The following C1orf35 variants were observed in gnomAD, a reference collection of about 807,000 sequenced individuals.
C1orf35 encodes chromosome 1 open reading frame 35.
Under a neutral mutation model 30.9 loss-of-function variants are expected in C1orf35, and 36 were observed. The ratio of observed to expected loss-of-function variants is 1.16; its 90% confidence interval spans 0.89 to 1.54. The LOEUF (loss-of-function observed/expected upper bound fraction) is 1.54, where lower values mean the gene tolerates loss of function less well. Ranked by LOEUF, C1orf35 falls within the 40% of genes most tolerant of loss-of-function variation. The pLI is 0.00. For missense variants in C1orf35, 396 were observed against 358.7 expected (o/e 1.10, Z -0.84); for synonymous variants, 179 against 148.2 (o/e 1.21, Z -1.51).
chr1:228,102,431 C>A (rs1042253104), intron 4 of C1orf35, 47 bp downstream of exon 4: 2 of 1,581,026 alleles, frequency 1.3e-6, no homozygotes, highest in East Asian at 2.3e-5. Context: ...CCGCCTCACC[C>A]GAGCAATCGA....
At chr1:228,102,245 T>C in intron 5 of C1orf35, 65 bp downstream of exon 5, 1 of 1,569,548 alleles carries the variant, frequency 6.4e-7, no homozygotes, top group Non-Finnish European at 8.6e-7. Flanking sequence ...GGAGCTCCGT[T>C]CAGTGCCCCC....
rs370819690 is a variant in C1orf35 at position 228,101,395 on chromosome 1, TTTC to T, written c.609_611del (p.Lys204del). On this transcript the variant is annotated inframe_deletion, in exon 7 of 8. Coordinates refer to ENST00000272139, the MANE Select transcript of C1orf35 (RefSeq NM_024319.4). ...CAGCTGGCCGCCTGTGCTCTTTGTC[TTTC>T]TTCTTCTTCTCTTTCTTGTGTTTCC... is the stretch of plus-strand genomic sequence containing the variant. The T allele has an allele frequency of 6.9e-4, 1,113 of 1,614,004 alleles. 13 individuals carry two copies. In the South Asian group the frequency reaches 0.011, roughly 16 times the overall value.
Position 228,101,443 on chromosome 1 carries a change from C to G in C1orf35, c.564G>C (p.Glu188Asp), listed in dbSNP as rs1030173311. ...GTTTCCTCTTTTTCTTTTTCTTCTTCTCCTTCTTGCTTTTCCTGTGGCTCT... is the reference window on the plus strand; with the variant it reads ...GTTTCCTCTTTTTCTTTTTCTTCTTGTCCTTCTTGCTTTTCCTGTGGCTCT... ...SCESHRKSKK[E>D]KKKKKKRKHK... The change falls in exon 7 of 8, where the codon GAG becomes GAC. Residue 188 changes from glutamate (E) to aspartate (D), a missense_variant. Physicochemically the swap from Glu to Asp is conservative, Grantham distance 45 (BLOSUM62 2). Transcript: ENST00000272139. 6.2e-7 allele frequency: 1 copy of G among 1,612,888 alleles called. No homozygotes were observed. Among genetic ancestry groups the G allele is most frequent in the East Asian group, 2.2e-5 (1 of 44,874 alleles).
At chr1:228,102,429 C>T (rs1209043537) in intron 4 of C1orf35, 47 bp from the exon 5 acceptor site, 2 of 1,584,244 alleles carry the variant, frequency 1.3e-6, no homozygotes, top group Non-Finnish European at 1.7e-6. Flanking sequence ...GTCCGCCTCA[C>T]CCGAGCAATC....
At chr1:228,102,857 C>T in intron 2 of C1orf35, 42 bp downstream of exon 2, 2 of 1,378,846 alleles carry the variant, frequency 1.5e-6, no homozygotes. Flanking sequence ...GCCCCGGCAG[C>T]GCCGTCCCAG....
At position 228,100,998 on chromosome 1, in the gene C1orf35, G is replaced by A; in HGVS notation, c.*133C>T. ...AGCTGTCAAGTCTTTAGCCCCACAG[G>A]CTGGTGCCCAGAGCCACTTCCACAG... On this transcript the variant is annotated 3_prime_UTR_variant, in exon 8 of 8. Transcript: ENST00000272139. The A allele has an allele frequency of 7.5e-7, 1 of 1,337,408 alleles. No homozygotes were observed. Among genetic ancestry groups the A allele is most frequent in the Non-Finnish European group, 1.0e-6 (1 of 974,606 alleles). 82.8% of individuals were successfully genotyped at this position (1,337,408 alleles called of 1,614,324 possible).
intron 6 of C1orf35, chr1:228,101,857 GCGC>G (rs2032973965): frequency 1.4e-6 from 2 of 1,417,268 alleles, no homozygotes; most frequent in Non-Finnish European, 1.8e-6. Flanking sequence ...CCACGGCACA[GCGC>G]CCGACCACTG....
At chr1:228,101,775 A>C in intron 6 of C1orf35, 1 of 1,405,828 alleles carries the variant, frequency 7.1e-7, no homozygotes, top group Non-Finnish European at 9.2e-7. Context: ...GCCCAGGCTC[A>C]CCATCCAGGA....
chr1:228,103,046 T>C lies in C1orf35; in HGVS notation c.98A>G (p.Asn33Ser), dbSNP rs2033018654. 1.3e-6 allele frequency: 2 copies of C among 1,598,296 alleles called. No individual in the cohort carries two copies. Among genetic ancestry groups the C allele is most frequent in the Non-Finnish European group, 1.7e-6 (2 of 1,173,790 alleles). The change falls in exon 2 of 8, where the codon AAC becomes AGC. Residue 33 changes from asparagine to serine, a missense_variant. Coordinates refer to ENST00000272139, the MANE Select transcript of C1orf35 (RefSeq NM_024319.4). ...GCGGCCTACCGGCGCCATCAGCGAG[T>C]TGCCTGCGGACGTAGACGCTGTGAG... ...TDKQRENYLG[N>S]SLMAPVGRWQ... is the part of the protein sequence containing the mutation.
At chr1:228,101,672 C>T (rs763835207) in intron 6 of C1orf35, 199 bp from the exon 7 acceptor site, 1 of 1,443,516 alleles carries the variant, frequency 6.9e-7, no homozygotes, top group Non-Finnish European at 9.1e-7. Context: ...GCAATATCCC[C>T]ATCTCCACAG....
At position 228,101,183 on chromosome 1, in the gene C1orf35, CCACT is replaced by C. The variant is rs767425171; in HGVS notation, c.736_739del (p.Ser246GlyfsTer30). The stretch of plus-strand genomic sequence containing the variant: ...CCTGCGAGACGGGCTCCTCCTGTCC[CCACT>C]GTGTCCCCGCTTCCTCCTCTTACAG... On this transcript the variant is annotated frameshift_variant, in exon 8 of 8. Coordinates refer to ENST00000272139, the MANE Select transcript of C1orf35 (RefSeq NM_024319.4). LOFTEE classifies it low-confidence loss of function (END_TRUNC). 5 of 1,614,156 alleles carry C rather than the reference CCACT, an allele frequency of 3.1e-6. No individual in the cohort carries two copies. Among genetic ancestry groups the C allele is most frequent in the South Asian group, 1.1e-5 (1 of 91,084 alleles).
At position 228,103,177 on chromosome 1, in the gene C1orf35, G is replaced by C; in HGVS notation, c.51C>G (p.Asn17Lys). 3 of 1,612,078 alleles carry C rather than the reference G, an allele frequency of 1.9e-6. No homozygotes were observed. Among genetic ancestry groups the C allele is most frequent in the Non-Finnish European group, 2.5e-6 (3 of 1,179,546 alleles). ...GCTTGTCAGTCTTCACGTCCTCCCA[G>C]TTGAACTGGTCCTGCCCGCCGCGCA... ...GGVRGGQDQF[N>K]WEDVKTDKQR... The change falls in exon 1 of 8, where the codon AAC becomes AAG. Residue 17 changes from asparagine to lysine, a missense_variant. Coordinates refer to ENST00000272139, the MANE Select transcript of C1orf35 (RefSeq NM_024319.4).
intron 5 of C1orf35, 59 bp downstream of exon 5, chr1:228,102,250 GC>G: frequency 1.9e-6 from 3 of 1,577,876 alleles, no homozygotes. Flanking sequence ...TCCGTTCAGT[GC>G]CCCCGCCCCG....
In C1orf35 at chr1:228,102,657, C is replaced by T. The variant is rs1268353185; in HGVS notation, c.277G>A (p.Gly93Ser). Residue 93 changes from glycine (G) to serine (S), a missense_variant, in exon 3 of 8, where the codon GGC (glycine) becomes AGC (serine). Transcript: ENST00000272139. ...GYKNVKKQPTGLSKEDFAEVC... is the reference protein window; with the variant it reads ...GYKNVKKQPTSLSKEDFAEVC... Reference sequence around the variant, plus strand: ...CGGGGAGTTACCTCCTTGCTCAGGCCCGTGGGCTGCTTCTTCACGTTCTTG... The same window carrying T: ...CGGGGAGTTACCTCCTTGCTCAGGCTCGTGGGCTGCTTCTTCACGTTCTTG... 1.2e-6 allele frequency: 2 copies of T among 1,607,932 alleles called. No individual in the cohort carries two copies. The highest frequency in any genetic ancestry group is 1.7e-6 in the Non-Finnish European group (2 of 1,178,420).
Position 228,103,217 on chromosome 1 carries a change from G to A in C1orf35, c.11C>T (p.Ser4Phe). The stretch of plus-strand genomic sequence containing the variant: ...CCCGCCGCGCACGCCTCCACGACTG[G>A]AGCCGAACATGGCGCCGGGAAGGCA... MFG[S>F]SRGGVRGGQD... The change falls in exon 1 of 8, where the codon TCC (serine) becomes TTC (phenylalanine). Residue 4 changes from serine (S) to phenylalanine (F), a missense_variant. Physicochemically the swap from Ser to Phe is radical, Grantham distance 155. Transcript: ENST00000272139. 6.2e-7 allele frequency: 1 copy of A among 1,610,050 alleles called. No individual in the cohort carries two copies. Among genetic ancestry groups the A allele is most frequent in the South Asian group, 1.1e-5 (1 of 90,554 alleles).
intron 5 of C1orf35, 23 bp downstream of exon 5, chr1:228,102,287 G>A: frequency 6.2e-7 from 1 of 1,608,530 alleles, no homozygotes; most frequent in Non-Finnish European, 8.5e-7. Context: ...CCCCTGCTGC[G>A]GTCAGGCGGG....
At chr1:228,102,865 C>T in intron 2 of C1orf35, 34 bp downstream of exon 2, 1 of 1,385,208 alleles carries the variant, frequency 7.2e-7, no homozygotes, top group Non-Finnish European at 9.3e-7. Flanking sequence ...AGCGCCGTCC[C>T]AGGCACCGAC....
At position 228,101,349 on chromosome 1, in the gene C1orf35, A is replaced by G. The variant is rs748613886; in HGVS notation, c.658T>C (p.Ser220Pro). The G allele has an allele frequency of 1.2e-6, 2 of 1,613,982 alleles. No homozygotes were observed. Among genetic ancestry groups the G allele is most frequent in the Non-Finnish European group, 1.7e-6 (2 of 1,179,994 alleles). Residue 220 changes from serine to proline, a missense_variant, in exon 7 of 8, where the codon TCT (serine) becomes CCT (proline). Coordinates refer to ENST00000272139, the MANE Select transcript of C1orf35 (RefSeq NM_024319.4). ...RPAEATSSPT[S>P]PERPRHHHHD... The stretch of plus-strand genomic sequence containing the variant: ...TGGACCAGGGCATACCTCTCAGGAG[A>G]TGTGGGAGAGGAGGTGGCCTCAGCT...
rs1265569019 is a variant in C1orf35 at position 228,102,507 on chromosome 1, C to T, written c.345G>A (p.Val115=). Residue 115 remains valine, a synonymous_variant, in exon 4 of 8, where the codon GTG becomes GTA. Transcript: ENST00000272139. The part of the protein sequence containing the change: ...REGGDPEEKG[V]DRLLGLGSAS... ...CGCTCCCCAGCCCCAGCAGCCGGTC[C>T]ACGCCCTTCTCCTCGGGGTCGCCTC... The T allele has an allele frequency of 6.4e-7, 1 of 1,558,852 alleles. No homozygotes were observed.
Sources: allele counts gnomAD v4.1 joint callset, GRCh38; gene constraint gnomAD v4.1.1; transcripts MANE v1.5; gene names NCBI Gene and HGNC (gene_info 2026-07-23, HGNC 2026-07-21).